Variants in ALK observed in about 807,000 individuals in gnomAD.
The protein encoded by ALK is ALK tyrosine kinase receptor.
In ALK, 74 loss-of-function variants were observed where a neutral mutation model predicts 163.1. That is an observed-to-expected ratio of 0.45 (90% CI 0.38 to 0.55). The LOEUF is 0.55. ALK is among the 20% of genes least tolerant of loss of function. ALK has a pLI of 0.00. For synonymous variants in ALK, 960 were observed against 843.2 expected (o/e 1.14, Z -2.40); for missense variants, 2,063 against 2,105.3 (o/e 0.98, Z 0.39).
intron 1 of ALK, among the ~76,000 whole-genome samples, chr2:29,755,365 G>A (rs1443535985): frequency 6.6e-6 from 1 of 152,186 alleles, no homozygotes; most frequent in East Asian, 1.9e-4. Flanking sequence ...CCTTGGCTCT[G>A]GGCTGAGGAA....
chr2:29,853,104 A>G (rs1332375707), intron 1 of ALK, among the ~76,000 whole-genome samples: 1 of 151,914 alleles, frequency 6.6e-6, no homozygotes, highest in Non-Finnish European at 1.5e-5. Flanking sequence ...GAAAACTCAT[A>G]AACTAGCAGT....
intron 4 of ALK, among the ~76,000 whole-genome samples, chr2:29,491,909 G>A (rs1671912531): frequency 6.6e-6 from 1 of 152,190 alleles, no homozygotes; most frequent in Non-Finnish European, 1.5e-5. Context: ...GATGTCTAAT[G>A]TTCTTAACTA....
chr2:29,290,839 AG>A (rs1295531916), intron 9 of ALK, among the ~76,000 whole-genome samples: 1 of 152,026 alleles, frequency 6.6e-6, no homozygotes, highest in East Asian at 1.9e-4. Context: ...GCACCTGGAG[AG>A]GGGACACAAT....
chr2:29,911,949 A>T (rs1667714027), intron 1 of ALK, among the ~76,000 whole-genome samples: 1 of 152,194 alleles, frequency 6.6e-6, no homozygotes, highest in African/African-American at 2.4e-5. Flanking sequence ...AGTCATTGTC[A>T]AATATGAAAC....
chr2:29,530,574 T>C (rs923541788), intron 4 of ALK, among the ~76,000 whole-genome samples: 1 of 152,244 alleles, frequency 6.6e-6, no homozygotes, highest in Non-Finnish European at 1.5e-5. Context: ...AGTCAGAATA[T>C]GCAGCTCTCA....
intron 3 of ALK, among the ~76,000 whole-genome samples, chr2:29,555,086 A>G (rs1673812169): frequency 6.6e-6 from 1 of 152,108 alleles, no homozygotes; most frequent in African/African-American, 2.4e-5. Context: ...TGGAGTAACC[A>G]TTCTTTTATT....
intron 26 of ALK, among the ~76,000 whole-genome samples, chr2:29,200,404 T>G (rs578133645): frequency 6.6e-6 from 1 of 152,320 alleles, no homozygotes; most frequent in African/African-American, 2.4e-5. Context: ...GTCATAGAAC[T>G]TTGACAATTT....
chr2:29,289,037 T>G (rs1268388095), intron 9 of ALK, among the ~76,000 whole-genome samples: 5 of 151,960 alleles, frequency 3.3e-5, no homozygotes, highest in African/African-American at 1.2e-4. Context: ...CTCTTCTGCT[T>G]CTTAGTTGTG....
At chr2:29,495,174 C>A in intron 4 of ALK, among the ~76,000 whole-genome samples, 2 of 152,192 alleles carry the variant, frequency 1.3e-5, no homozygotes, top group East Asian at 1.9e-4. Context: ...CTCCCTCCTG[C>A]CTACCCCAGC....
At chr2:29,602,709 A>C (rs1421953833) in intron 3 of ALK, among the ~76,000 whole-genome samples, 2 of 152,230 alleles carry the variant, frequency 1.3e-5, no homozygotes, top group African/African-American at 4.8e-5. Context: ...AACCTCTGCA[A>C]AAATACATAA....
chr2:29,276,725 C>G (rs946731986), intron 9 of ALK, among the ~76,000 whole-genome samples: 1 of 152,164 alleles, frequency 6.6e-6, no homozygotes, highest in Non-Finnish European at 1.5e-5. Context: ...AGAAGCCAGA[C>G]AGTAGGTGAA....
chr2:29,363,992 A>C (rs1339351208), intron 5 of ALK, among the ~76,000 whole-genome samples: 1 of 152,184 alleles, frequency 6.6e-6, no homozygotes, highest in Non-Finnish European at 1.5e-5. Flanking sequence ...TGCTCTCACC[A>C]AACTAAATCT....
chr2:29,583,974 C>G (rs539926344), intron 3 of ALK, among the ~76,000 whole-genome samples: 1 of 152,220 alleles, frequency 6.6e-6, no homozygotes, highest in African/African-American at 2.4e-5. Context: ...CACTCTTTCC[C>G]TGGCATAAAA....
intron 3 of ALK, among the ~76,000 whole-genome samples, chr2:29,683,084 T>C (rs944165069): frequency 6.6e-6 from 1 of 152,086 alleles, no homozygotes; most frequent in African/African-American, 2.4e-5. Flanking sequence ...GGTACTTTGA[T>C]CAAGCATGAA....
At chr2:29,728,386 G>A (rs1445143072) in intron 1 of ALK, among the ~76,000 whole-genome samples, 1 of 152,232 alleles carries the variant, frequency 6.6e-6, no homozygotes, top group African/African-American at 2.4e-5. Context: ...TATGTGCCGA[G>A]CTCTGCCCTT....
chr2:29,193,452 A>T lies in ALK; in HGVS notation c.4635T>A (p.Val1545=), dbSNP rs2148137681. 6.2e-7 allele frequency: 1 copy of T among 1,614,136 alleles called. No individual in the cohort carries two copies. Among genetic ancestry groups the T allele is most frequent in the Non-Finnish European group, 8.5e-7 (1 of 1,180,010 alleles). The change falls in exon 29 of 29, where the codon GTT becomes GTA. Residue 1545 remains valine (V), a synonymous_variant. Coordinates refer to ENST00000389048, the MANE Select transcript of ALK (RefSeq NM_004304.5). ...AGGCCCCCGGAAGTCTCCCAGTTGC[A>T]ACGTTAGGTGGGACAGTACAGCTTC... The part of the protein sequence containing the change: ...LEGSCTVPPN[V]ATGRLPGASL...
chr2:29,293,949 A>G (rs1666110068), intron 9 of ALK, among the ~76,000 whole-genome samples: 2 of 152,270 alleles, frequency 1.3e-5, no homozygotes, highest in South Asian at 4.1e-4. Context: ...GGAACCTGGG[A>G]GCAGAGGTGA....
At chr2:29,772,127 T>C (rs540766740) in intron 1 of ALK, among the ~76,000 whole-genome samples, 11 of 152,248 alleles carry the variant, frequency 7.2e-5, no homozygotes, top group Admixed American at 5.9e-4. Context: ...CCAGGAGAGA[T>C]TTCTTGAAGA....
At chr2:29,363,362 G>C (rs1470359950) in intron 5 of ALK, among the ~76,000 whole-genome samples, 1 of 152,186 alleles carries the variant, frequency 6.6e-6, no homozygotes, top group African/African-American at 2.4e-5. Context: ...TAGGGAACTG[G>C]AGGCATAGCC....
Sources: allele counts gnomAD v4.1 joint callset (sites outside exome capture counted in the v4.1 genomes callset), GRCh38; gene constraint gnomAD v4.1.1; transcripts MANE v1.5; gene names NCBI Gene and HGNC (gene_info 2026-07-23, HGNC 2026-07-21).